Variants in FBN2 observed in about 807,000 individuals in gnomAD.
FBN2 encodes fibrillin 2, also known as fibrillin-2.
Under a neutral mutation model 355.6 loss-of-function variants are expected in FBN2, and 105 were observed. The observed-to-expected ratio is 0.30, with a 90% CI of 0.25 to 0.35. The LOEUF (loss-of-function observed/expected upper bound fraction) is 0.35, where lower values mean the gene tolerates loss of function less well. Ranked by LOEUF, FBN2 falls within the 10% of genes least tolerant of loss-of-function variation. The pLI is 1.00. For missense variants in FBN2, 3,280 were observed against 3,758.7 expected (o/e 0.87, Z 3.33); for synonymous variants, 1,350 against 1,301.2 (o/e 1.04, Z -0.81).
intron 6 of FBN2, 132 bp downstream of exon 6, chr5:128,464,592 G>A: frequency 1.1e-6 from 1 of 898,624 alleles, no homozygotes; most frequent in Non-Finnish European, 1.8e-6. Context: ...CTCTGGTCAG[G>A]GTTGTTAACG....
At chr5:128,528,081 A>T in intron 3 of FBN2, 114 bp from the exon 4 acceptor site, 1 of 736,544 alleles carries the variant, frequency 1.4e-6, no homozygotes. Context: ...ATTATATCTT[A>T]CAGAAGGAAA....
chr5:128,435,504 A>C (rs930833100), intron 7 of FBN2, among the ~76,000 whole-genome samples: 2 of 152,162 alleles, frequency 1.3e-5, no homozygotes, highest in African/African-American at 2.4e-5. Flanking sequence ...CAAATGCTTT[A>C]TATGTTATGC....
rs1471699849 is a variant in FBN2 at position 128,434,392 on chromosome 5, G to GTGTATATATATATA, written c.952+12075_952+12088dup. ...TTCAATGCCTGGCAGTGAATAAAGT[G>GTGTATATATATATA]TGTATATATATATATATATATATAT... On this transcript the variant is annotated intron_variant, in intron 7 of 64. Transcript: ENST00000262464. 2.3e-3 allele frequency among the ~76,000 whole-genome samples: 102 copies of GTGTATATATATATA among 44,100 alleles called. 10 individuals carry two copies. The highest frequency in any genetic ancestry group is 2.2e-3 in the Non-Finnish European group (60 of 27,130). 28.9% of individuals were successfully genotyped at this position (44,100 alleles called of 152,430 possible).
intron 5 of FBN2, among the ~76,000 whole-genome samples, chr5:128,473,632 T>C (rs908446055): frequency 3.3e-5 from 5 of 152,168 alleles, no homozygotes; most frequent in African/African-American, 1.2e-4. Flanking sequence ...TTCTCAGCTT[T>C]TGGTAACTTT....
chr5:128,407,840 CAGTTGGTTGCTGA>C, intron 8 of FBN2, among the ~76,000 whole-genome samples: 1 of 152,150 alleles, frequency 6.6e-6, no homozygotes, highest in African/African-American at 2.4e-5. Flanking sequence ...GAGATCCTGG[CAGTTGGTTGCTGA>C]CATACTAACT....
At chr5:128,283,023 A>G (rs1353304361) in intron 55 of FBN2, among the ~76,000 whole-genome samples, 1 of 152,150 alleles carries the variant, frequency 6.6e-6, no homozygotes, top group Non-Finnish European at 1.5e-5. Context: ...ACTCAGACAC[A>G]TCAGACATCT....
chr5:128,312,069 A>G (rs1447817509), intron 37 of FBN2, 116 bp from the exon 38 acceptor site: 5 of 711,086 alleles, frequency 7.0e-6, no homozygotes, highest in Admixed American at 2.1e-5. Flanking sequence ...GTGTATCCAA[A>G]TTTTTCTTAG....
intron 34 of FBN2, among the ~76,000 whole-genome samples, chr5:128,327,373 T>C (rs1188532485): frequency 1.3e-5 from 2 of 152,128 alleles, no homozygotes; most frequent in Admixed American, 6.5e-5. Context: ...TGGAGCAGAG[T>C]TGGGCTCCAC....
At chr5:128,380,731 G>A (rs331089) in intron 11 of FBN2, among the ~76,000 whole-genome samples, 69,912 of 151,788 alleles carry the variant, frequency 0.46, 16,874 homozygotes, top group Non-Finnish European at 0.56. Context: ...TTTTAGACTA[G>A]TCACAAACGA....
chr5:128,366,973 G>C (rs956342252), intron 16 of FBN2, among the ~76,000 whole-genome samples: 2 of 152,092 alleles, frequency 1.3e-5, no homozygotes, highest in African/African-American at 2.4e-5. Context: ...CTTGGCTCCT[G>C]GGTACTCTAT....
chr5:128,314,935 C>T (rs1196735417), intron 36 of FBN2, among the ~76,000 whole-genome samples: 1 of 152,030 alleles, frequency 6.6e-6, no homozygotes, highest in Non-Finnish European at 1.5e-5. Flanking sequence ...CCCTCCTCTC[C>T]AAAAATGGTT....
chr5:128,343,282 C>T (rs1188683549), intron 25 of FBN2, among the ~76,000 whole-genome samples: 1 of 152,174 alleles, frequency 6.6e-6, no homozygotes, highest in Non-Finnish European at 1.5e-5. Context: ...ACTCCTCAGA[C>T]TCTCCCAGCC....
At chr5:128,323,436 A>G (rs1750445395) in intron 34 of FBN2, among the ~76,000 whole-genome samples, 1 of 152,164 alleles carries the variant, frequency 6.6e-6, no homozygotes, top group African/African-American at 2.4e-5. Context: ...CATTCCATCT[A>G]TATCAAGTTT....
chr5:128,422,140 A>C (rs1012140121), intron 7 of FBN2, among the ~76,000 whole-genome samples: 1 of 152,168 alleles, frequency 6.6e-6, no homozygotes. Flanking sequence ...TCCTGCCAAC[A>C]CCTTGATTTG....
intron 5 of FBN2, among the ~76,000 whole-genome samples, chr5:128,498,934 A>G (rs1755730865): frequency 6.6e-6 from 1 of 152,184 alleles, no homozygotes; most frequent in African/African-American, 2.4e-5. Context: ...AAAGCTTCCC[A>G]TTCATTTACA....
chr5:128,413,013 G>A (rs1389013904), intron 7 of FBN2, among the ~76,000 whole-genome samples: 5 of 152,176 alleles, frequency 3.3e-5, no homozygotes, highest in Admixed American at 3.3e-4. Flanking sequence ...TGATGACATA[G>A]TGCTATTAAC....
intron 5 of FBN2, among the ~76,000 whole-genome samples, chr5:128,485,248 C>T (rs975264348): frequency 3.3e-5 from 5 of 152,156 alleles, no homozygotes; most frequent in East Asian, 3.9e-4. Flanking sequence ...GTCTCCAACT[C>T]CTGGGCTCAA....
chr5:128,408,742 G>T lies in FBN2; in HGVS notation c.1010C>A (p.Thr337Asn). The T allele has an allele frequency of 6.2e-7, 1 of 1,613,766 alleles. No homozygotes were observed. The highest frequency in any genetic ancestry group is 8.5e-7 in the Non-Finnish European group (1 of 1,179,690). The change falls in exon 8 of 65, where the codon ACC becomes AAC. Residue 337 changes from threonine to asparagine, a missense_variant. Physicochemically the swap from Thr to Asn is moderately conservative, Grantham distance 65. This residue lies in a region of FBN2 where 343 missense variants were observed against 331.0 expected (regional missense o/e 1.04). Coordinates refer to ENST00000262464, the MANE Select transcript of FBN2 (RefSeq NM_001999.4). ...GICETGECSN[T>N]VGSYFCVCPR... ...ACAAACACAAAAATAGCTTCCCACG[G>T]TGTTGGAACATTCACCAGTTTCACA...
chr5:128,384,271 G>A (rs1195538250), intron 11 of FBN2, among the ~76,000 whole-genome samples: 4 of 151,946 alleles, frequency 2.6e-5, no homozygotes, highest in African/African-American at 9.7e-5. Context: ...GGATTGCCTG[G>A]GGACAGGATG....
Sources: allele counts gnomAD v4.1 joint callset (sites outside exome capture counted in the v4.1 genomes callset), GRCh38; gene constraint gnomAD v4.1.1; regional missense constraint gnomAD v4.1.1; transcripts MANE v1.5; gene names NCBI Gene and HGNC (gene_info 2026-07-23, HGNC 2026-07-21).